The following CSMD3 variants were observed in gnomAD, a reference collection of about 807,000 sequenced individuals.
The protein encoded by CSMD3 is CUB and Sushi multiple domains 3.
A neutral mutation model predicts 435.2 loss-of-function variants in CSMD3; 177 were observed. The ratio of observed to expected loss-of-function variants is 0.41; its 90% CI spans 0.36 to 0.46. The LOEUF is 0.46. CSMD3 is among the 20% of genes least tolerant of loss of function. The probability of loss-of-function intolerance (pLI) is 0.34; values close to 1 mark genes in which losing one functional copy is unlikely to be tolerated. For missense variants in CSMD3, 4,265 were observed against 4,504.6 expected (o/e 0.95, Z 1.52); for synonymous variants, 1,656 against 1,520.5 (o/e 1.09, Z -2.07).
chr8:113,262,394 G>A (rs955151805), intron 3 of CSMD3, among the ~76,000 whole-genome samples: 6 of 151,880 alleles, frequency 4.0e-5, no homozygotes, highest in Admixed American at 1.3e-4. Flanking sequence ...ATCTAAATAA[G>A]TCACTCAACA....
At chr8:112,903,409 G>A (rs189466482) in intron 10 of CSMD3, among the ~76,000 whole-genome samples, 5 of 151,212 alleles carry the variant, frequency 3.3e-5, no homozygotes, top group Admixed American at 6.6e-5. Flanking sequence ...AAAATGTTCC[G>A]AAAAGAGTAT....
At chr8:112,991,407 G>A (rs1333922506) in intron 6 of CSMD3, among the ~76,000 whole-genome samples, 4 of 151,682 alleles carry the variant, frequency 2.6e-5, no homozygotes, top group Non-Finnish European at 4.4e-5. Context: ...CAGTACATGT[G>A]CAAAAATGGT....
At chr8:113,375,055 T>C (rs553151164) in intron 1 of CSMD3, among the ~76,000 whole-genome samples, 1 of 152,230 alleles carries the variant, frequency 6.6e-6, no homozygotes, top group Admixed American at 6.5e-5. Flanking sequence ...AAGAGTAGAA[T>C]TTTATGTTAT....
At chr8:112,678,171 CCTGAT>C (rs2075809028) in intron 16 of CSMD3, among the ~76,000 whole-genome samples, 1 of 152,084 alleles carries the variant, frequency 6.6e-6, no homozygotes, top group African/African-American at 2.4e-5. Context: ...GATTATGATT[CCTGAT>C]CTGTGGCATT....
chr8:113,346,431 G>C (rs1379235515), intron 1 of CSMD3, among the ~76,000 whole-genome samples: 1 of 152,042 alleles, frequency 6.6e-6, no homozygotes. Flanking sequence ...GAATCAAAAA[G>C]CTCCTCTGAT....
intron 3 of CSMD3, among the ~76,000 whole-genome samples, chr8:113,244,705 A>C (rs908376279): frequency 3.9e-5 from 6 of 152,098 alleles, no homozygotes; most frequent in African/African-American, 1.4e-4. Flanking sequence ...GAAAATGATA[A>C]ATTTTTCTTC....
intron 32 of CSMD3, among the ~76,000 whole-genome samples, chr8:112,443,563 T>C (rs75193449): frequency 0.022 from 3,380 of 152,256 alleles, 81 homozygotes; most frequent in Middle Eastern, 0.048. Context: ...TCAAAGATGT[T>C]AAACATATAG....
chr8:112,335,836 T>A (rs1824507979), intron 44 of CSMD3, among the ~76,000 whole-genome samples: 1 of 152,084 alleles, frequency 6.6e-6, no homozygotes. Context: ...CACAGACTGT[T>A]AAAGTTACAA....
chr8:112,435,025 T>C (rs1305724667), intron 32 of CSMD3, among the ~76,000 whole-genome samples: 1 of 152,080 alleles, frequency 6.6e-6, no homozygotes, highest in Non-Finnish European at 1.5e-5. Flanking sequence ...GTTTTATCTA[T>C]TCTTAAGCAT....
At chr8:113,000,420 T>C (rs2085820121) in intron 6 of CSMD3, among the ~76,000 whole-genome samples, 1 of 152,034 alleles carries the variant, frequency 6.6e-6, no homozygotes, top group Non-Finnish European at 1.5e-5. Context: ...GAAACATGTT[T>C]ACTGGACTTT....
At chr8:113,097,089 C>T (rs1405229369) in intron 5 of CSMD3, among the ~76,000 whole-genome samples, 2 of 152,012 alleles carry the variant, frequency 1.3e-5, no homozygotes, top group African/African-American at 4.8e-5. Context: ...CCTATAACAT[C>T]CAAGGTTTCT....
chr8:113,217,115 TA>T (rs138602168), intron 3 of CSMD3, among the ~76,000 whole-genome samples: 173 of 151,762 alleles, frequency 1.1e-3, no homozygotes, highest in African/African-American at 4.0e-3. Context: ...AACCAAGCCA[TA>T]ACATTTCTCT....
At chr8:112,411,846 T>C (rs928110720) in intron 32 of CSMD3, among the ~76,000 whole-genome samples, 1 of 152,116 alleles carries the variant, frequency 6.6e-6, no homozygotes, top group African/African-American at 2.4e-5. Flanking sequence ...TTGAAAGTGA[T>C]GCAAGGAAAA....
At chr8:113,331,361 A>C (rs1331278730) in intron 1 of CSMD3, among the ~76,000 whole-genome samples, 8 of 151,742 alleles carry the variant, frequency 5.3e-5, no homozygotes, top group Non-Finnish European at 1.5e-5. Context: ...TACTAAACAC[A>C]TAAAAAATTA....
chr8:113,391,399 G>A (rs759582028), intron 1 of CSMD3, among the ~76,000 whole-genome samples: 1 of 151,846 alleles, frequency 6.6e-6, no homozygotes, highest in Non-Finnish European at 1.5e-5. Context: ...TGGTAACATG[G>A]GATAATTAGT....
intron 6 of CSMD3, among the ~76,000 whole-genome samples, chr8:113,014,244 CT>C (rs2131143754): frequency 6.6e-6 from 1 of 152,242 alleles, no homozygotes; most frequent in African/African-American, 2.4e-5. Context: ...ACTTCCTTGG[CT>C]TTCTGATGTT....
intron 22 of CSMD3, among the ~76,000 whole-genome samples, chr8:112,594,201 C>T (rs1173258348): frequency 6.6e-6 from 1 of 152,174 alleles, no homozygotes; most frequent in Admixed American, 6.5e-5. Flanking sequence ...CATTGCCTCA[C>T]TTGGGAAGCC....
intron 19 of CSMD3, among the ~76,000 whole-genome samples, chr8:112,648,172 G>A (rs953575212): frequency 2.0e-5 from 3 of 152,158 alleles, no homozygotes; most frequent in Non-Finnish European, 4.4e-5. Flanking sequence ...TACCTCAGGA[G>A]ATCTGGACTA....
chr8:112,911,393 C>T (rs1341060550), intron 10 of CSMD3, among the ~76,000 whole-genome samples: 2 of 151,764 alleles, frequency 1.3e-5, no homozygotes, highest in Non-Finnish European at 1.5e-5. Flanking sequence ...TTTTGTGTGG[C>T]GAAAACATTT....
Sources: allele counts gnomAD v4.1 joint callset (sites outside exome capture counted in the v4.1 genomes callset), GRCh38; gene constraint gnomAD v4.1.1; transcripts MANE v1.5; gene names NCBI Gene and HGNC (gene_info 2026-07-23, HGNC 2026-07-21).